Variants in CPM observed in about 807,000 individuals in gnomAD.
The protein encoded by CPM is carboxypeptidase M, also known as renal carboxypeptidase.
Under a neutral mutation model 46.4 loss-of-function variants are expected in CPM, and 35 were observed. The observed-to-expected ratio is 0.75, with a 90% CI of 0.58 to 1.00. CPM has a LOEUF of 1.00. Among genes scored for constraint, CPM ranks in the 50% least tolerant of loss-of-function variants. The probability of loss-of-function intolerance (pLI) is 0.00; values close to 1 mark genes in which losing one functional copy is unlikely to be tolerated. For missense variants in CPM, 422 were observed against 530.4 expected (o/e 0.80, Z 2.01); for synonymous variants, 195 against 195.3 (o/e 1.00, Z 0.01).
chr12:68,918,346 C>A (rs1003516123), intron 2 of CPM, among the ~76,000 whole-genome samples: 5 of 152,090 alleles, frequency 3.3e-5, no homozygotes, highest in Admixed American at 1.3e-4. Flanking sequence ...GTTGATGACT[C>A]CCAACTTTCT....
At chr12:68,886,220 G>A (rs1296157788) in intron 2 of CPM, among the ~76,000 whole-genome samples, 9 of 151,958 alleles carry the variant, frequency 5.9e-5, no homozygotes, top group African/African-American at 2.2e-4. Context: ...TTGAGATCCT[G>A]GAGCCTCCTA....
chr12:68,938,359 A>G (rs1888704340), intron 1 of CPM, among the ~76,000 whole-genome samples: 1 of 151,930 alleles, frequency 6.6e-6, no homozygotes, highest in Non-Finnish European at 1.5e-5. Flanking sequence ...CCATGATCGC[A>G]TGGCACTCCA....
chr12:68,847,162 T>G (rs1397960754), downstream of CPM: 1 of 108,738 alleles, frequency 9.2e-6, no homozygotes, highest in Non-Finnish European at 1.7e-5. Context: ...ATATATATAA[T>G]ACATATGTGT....
intron 2 of CPM, among the ~76,000 whole-genome samples, chr12:68,903,070 A>G (rs1326140959): frequency 6.6e-6 from 1 of 152,236 alleles, no homozygotes; most frequent in Non-Finnish European, 1.5e-5. Flanking sequence ...AAGAGCTCTG[A>G]GACATTAACT....
chr12:68,865,374 G>C (rs573549701), intron 7 of CPM, among the ~76,000 whole-genome samples: 1 of 152,240 alleles, frequency 6.6e-6, no homozygotes, highest in South Asian at 2.1e-4. Flanking sequence ...TTCAGGTCAG[G>C]GCATGGAGGC....
intron 6 of CPM, among the ~76,000 whole-genome samples, chr12:68,867,337 T>G (rs189350547): frequency 7.2e-4 from 109 of 152,320 alleles, no homozygotes; most frequent in Admixed American, 1.6e-3. Flanking sequence ...TTTTTTGAAA[T>G]CCTACATTAC....
chr12:68,931,568 C>G (rs972683810), intron 2 of CPM, among the ~76,000 whole-genome samples: 1 of 151,588 alleles, frequency 6.6e-6, no homozygotes, highest in Non-Finnish European at 1.5e-5. Context: ...TATGGTGAAA[C>G]CCCATCTCTA....
intron 2 of CPM, among the ~76,000 whole-genome samples, chr12:68,906,583 G>A (rs1288929604): frequency 6.6e-6 from 1 of 151,986 alleles, no homozygotes; most frequent in Non-Finnish European, 1.5e-5. Context: ...TCTGCCTCCT[G>A]GGTTCAAGTG....
intron 2 of CPM, among the ~76,000 whole-genome samples, chr12:68,915,083 C>T (rs745601100): frequency 1.3e-5 from 2 of 151,898 alleles, no homozygotes; most frequent in African/African-American, 4.8e-5. Flanking sequence ...AGATAGCTTC[C>T]CAAGGACAGC....
At chr12:68,930,294 C>A (rs1177500025) in intron 2 of CPM, among the ~76,000 whole-genome samples, 1 of 152,230 alleles carries the variant, frequency 6.6e-6, no homozygotes, top group Non-Finnish European at 1.5e-5. Flanking sequence ...GTTGGCCAGG[C>A]TGGTCTCAAA....
chr12:68,933,063 C>G (rs1392512107), intron 1 of CPM, 79 bp downstream of exon 1: 2 of 464,822 alleles, frequency 4.3e-6, no homozygotes, highest in South Asian at 2.7e-5. Context: ...CCCGCGCCTC[C>G]CTCTCCTCCT....
intron 1 of CPM, among the ~76,000 whole-genome samples, chr12:68,962,266 T>C (rs1032693184): frequency 9.2e-5 from 14 of 151,698 alleles, no homozygotes; most frequent in African/African-American, 3.4e-4. Flanking sequence ...ATCATAACCA[T>C]TTTTAAACCT....
chr12:68,881,190 T>C (rs903514235), intron 3 of CPM, among the ~76,000 whole-genome samples: 1 of 152,218 alleles, frequency 6.6e-6, no homozygotes, highest in African/African-American at 2.4e-5. Context: ...AAGATGTGTA[T>C]TAGCCACATT....
At position 68,868,482 on chromosome 12, in the gene CPM, A is replaced by G. The variant is rs1885553875; in HGVS notation, c.787+843T>C. On this transcript the variant is annotated intron_variant, in intron 6 of 8. Coordinates refer to ENST00000551568, the MANE Select transcript of CPM (RefSeq NM_198320.5). ...TGCTGTTGGTGGGGTCAGGCTAACG[A>G]GTCTAAAAGGGAATGTTTTCCCCTG... 2.0e-5 allele frequency among the ~76,000 whole-genome samples: 3 copies of G among 152,154 alleles called. No homozygotes were observed. The East Asian group carries it at 5.8e-4, about 29-fold the overall frequency.
rs556587505 is a variant in CPM at position 68,940,984 on chromosome 12, A to G, written c.-3-8144T>C. ...GAAACTCTATACCCACTGAACAACA[A>G]CCCACCTTTTCTCTCTCTCTCCTGC... On this transcript the variant is annotated intron_variant, in intron 1 of 8. Coordinates refer to the CPM transcript ENST00000546373. Among the ~76,000 whole-genome samples, 148 of 152,206 alleles carry G rather than the reference A, an allele frequency of 9.7e-4. 1 individual carries two copies. Among genetic ancestry groups the G allele is most frequent in the Middle Eastern group, 6.8e-3 (2 of 294 alleles).
intron 2 of CPM, among the ~76,000 whole-genome samples, chr12:68,917,876 G>A (rs1887875342): frequency 6.6e-6 from 1 of 152,104 alleles, no homozygotes; most frequent in Non-Finnish European, 1.5e-5. Flanking sequence ...ATATGTCTCT[G>A]CAGTTTACAG....
intron 2 of CPM, among the ~76,000 whole-genome samples, chr12:68,930,879 A>T (rs924378300): frequency 2.0e-5 from 3 of 152,240 alleles, no homozygotes; most frequent in Admixed American, 2.0e-4. Flanking sequence ...TAAAATTAAC[A>T]ACATCCTCAT....
At position 68,853,279 on chromosome 12, in the gene CPM, T is replaced by C. The variant is rs375736747; in HGVS notation, c.*3158A>G. The C allele has an allele frequency of 4.6e-5, 7 of 152,232 alleles. No individual in the cohort carries two copies. In the South Asian group the frequency reaches 8.3e-4, roughly 18 times the overall value. 9.4% of individuals were successfully genotyped at this position (152,232 alleles called of 1,614,324 possible). On this transcript the variant is annotated 3_prime_UTR_variant, in exon 9 of 9. Transcript: ENST00000551568. ...GCTTGATAGCAAATCAAGTTTCATC[T>C]TATATACTTTTAATTTGTAATATAC...
intron 1 of CPM, among the ~76,000 whole-genome samples, chr12:68,962,212 A>G (rs1889134536): frequency 6.6e-6 from 1 of 151,444 alleles, no homozygotes; most frequent in Non-Finnish European, 1.5e-5. Context: ...AAAAAAAAAA[A>G]AAAAAACCAA....
Sources: gnomAD v4.1 joint callset for allele counts (sites outside exome capture counted in the v4.1 genomes callset) on GRCh38, gnomAD v4.1.1 for gene constraint, MANE v1.5 for transcripts, NCBI Gene and HGNC (gene_info 2026-07-23, HGNC 2026-07-21) for gene names.